The following ANO4 variants were observed in gnomAD, a reference collection of about 807,000 sequenced individuals.
ANO4 encodes the protein anoctamin 4.
Under a neutral mutation model 141.9 loss-of-function variants are expected in ANO4, and 69 were observed. The ratio of observed to expected loss-of-function variants is 0.49; its 90% CI spans 0.40 to 0.59. ANO4 has a LOEUF of 0.59. Among genes scored for constraint, ANO4 ranks in the 20% least tolerant of loss-of-function variants. ANO4 has a pLI of 0.00. For missense variants in ANO4, 894 were observed against 1,162.2 expected (o/e 0.77, Z 3.36); for synonymous variants, 350 against 394.3 (o/e 0.89, Z 1.33).
intron 1 of ANO4, among the ~76,000 whole-genome samples, chr12:100,871,112 A>G (rs1424728948): frequency 6.6e-6 from 1 of 152,158 alleles, no homozygotes; most frequent in Non-Finnish European, 1.5e-5. Flanking sequence ...GTCTGCATTC[A>G]TCACTTTGTG....
At chr12:100,734,565 TTTAC>T (rs1471488144) in intron 2 of ANO4, among the ~76,000 whole-genome samples, 11 of 152,228 alleles carry the variant, frequency 7.2e-5, no homozygotes, top group African/African-American at 2.7e-4. Flanking sequence ...CATACATTAT[TTTAC>T]TTAATCAGAA....
At chr12:100,869,744 G>A (rs972869672) in intron 1 of ANO4, among the ~76,000 whole-genome samples, 2 of 152,182 alleles carry the variant, frequency 1.3e-5, no homozygotes, top group African/African-American at 4.8e-5. Flanking sequence ...TACATTCAGA[G>A]ATTTCAGTTT....
At chr12:100,783,997 A>AT (rs1206234981) in intron 3 of ANO4, among the ~76,000 whole-genome samples, 1 of 164 alleles carries the variant, frequency 6.1e-3, no homozygotes, top group East Asian at 0.1. Flanking sequence ...AACACACTCC[A>AT]TGGCTCCATC....
chr12:100,876,431 G>A (rs532501105), intron 1 of ANO4, among the ~76,000 whole-genome samples: 1 of 152,186 alleles, frequency 6.6e-6, no homozygotes. Flanking sequence ...GTTTCCCCCT[G>A]CAGGGAGCAG....
At chr12:101,020,805 C>T (rs1410650193) in intron 9 of ANO4, among the ~76,000 whole-genome samples, 1 of 152,092 alleles carries the variant, frequency 6.6e-6, no homozygotes, top group Non-Finnish European at 1.5e-5. Flanking sequence ...ACATTTCCTG[C>T]CTTATTAAAC....
At chr12:101,054,634 G>C (rs527460499) in intron 14 of ANO4, among the ~76,000 whole-genome samples, 1 of 152,170 alleles carries the variant, frequency 6.6e-6, no homozygotes, top group Non-Finnish European at 1.5e-5. Flanking sequence ...CGAGTAGCTG[G>C]GATTACAGGC....
At chr12:100,773,738 A>G (rs1269834936) in intron 3 of ANO4, among the ~76,000 whole-genome samples, 1 of 152,252 alleles carries the variant, frequency 6.6e-6, no homozygotes, top group Non-Finnish European at 1.5e-5. Flanking sequence ...GAAATATAAC[A>G]TATATGCAGA....
intron 6 of ANO4, among the ~76,000 whole-genome samples, chr12:100,973,910 T>C (rs1207983601): frequency 6.6e-6 from 1 of 152,210 alleles, no homozygotes; most frequent in Non-Finnish European, 1.5e-5. Flanking sequence ...ATTGTCTCTA[T>C]AGTTTTGCCT....
At chr12:101,070,611 A>T (rs2048772192) in intron 14 of ANO4, among the ~76,000 whole-genome samples, 1 of 152,154 alleles carries the variant, frequency 6.6e-6, no homozygotes, top group Non-Finnish European at 1.5e-5. Flanking sequence ...CTGGGCAGAG[A>T]TTTCTTGATT....
intron 5 of ANO4, among the ~76,000 whole-genome samples, chr12:100,952,230 A>G (rs1363895145): frequency 6.6e-6 from 1 of 152,212 alleles, no homozygotes; most frequent in African/African-American, 2.4e-5. Context: ...TGGGATTTAG[A>G]TCCACTTACT....
chr12:101,098,054 G>A, intron 21 of ANO4, 109 bp downstream of exon 21: 1 of 936,212 alleles, frequency 1.1e-6, no homozygotes, highest in Non-Finnish European at 1.7e-6. Flanking sequence ...GCCAGTGCGT[G>A]CACCTGGAAC....
At chr12:101,125,670 T>C (rs963553307) in intron 26 of ANO4, among the ~76,000 whole-genome samples, 1 of 152,232 alleles carries the variant, frequency 6.6e-6, no homozygotes, top group Non-Finnish European at 1.5e-5. Context: ...GCTTATGTGA[T>C]GAATTACTTA....
intron 14 of ANO4, among the ~76,000 whole-genome samples, chr12:101,070,947 A>G (rs1302986904): frequency 6.6e-6 from 1 of 152,212 alleles, no homozygotes; most frequent in Non-Finnish European, 1.5e-5. Flanking sequence ...TCATAGGAAT[A>G]CAACTCAAAA....
chr12:100,874,387 T>C (rs2039189570), intron 1 of ANO4, among the ~76,000 whole-genome samples: 1 of 152,232 alleles, frequency 6.6e-6, no homozygotes, highest in South Asian at 2.1e-4. Flanking sequence ...GTAGCAGCCA[T>C]GGGAGCTGAT....
intron 1 of ANO4, among the ~76,000 whole-genome samples, chr12:100,900,097 C>CAGAAAGAA (rs3059250): frequency 1.3e-5 from 2 of 151,854 alleles, no homozygotes; most frequent in Non-Finnish European, 2.9e-5. Context: ...AGTTCTCACT[C>CAGAAAGAA]AGAAAGAAAG....
chr12:100,932,826 G>C (rs538667782), intron 3 of ANO4, among the ~76,000 whole-genome samples: 3 of 151,890 alleles, frequency 2.0e-5, no homozygotes, highest in Non-Finnish European at 2.9e-5. Context: ...CTGATTTTTC[G>C]TCTCCCAGGC....
intron 13 of ANO4, among the ~76,000 whole-genome samples, chr12:101,043,902 C>A (rs1445445011): frequency 6.6e-6 from 1 of 152,136 alleles, no homozygotes; most frequent in Non-Finnish European, 1.5e-5. Context: ...AAAGTTAGGT[C>A]CAAATTTTGA....
At chr12:100,819,662 G>A (rs2035928524) in intron 1 of ANO4, among the ~76,000 whole-genome samples, 1 of 151,928 alleles carries the variant, frequency 6.6e-6, no homozygotes, top group African/African-American at 2.4e-5. Context: ...ATGAAATAAA[G>A]TTTGACTTAA....
intron 2 of ANO4, among the ~76,000 whole-genome samples, chr12:100,909,193 A>G (rs542658619): frequency 1.8e-4 from 28 of 152,336 alleles, no homozygotes; most frequent in Admixed American, 1.4e-3. Context: ...ATTAGAATAG[A>G]ATATCTTCTA....
Sources: allele counts gnomAD v4.1 joint callset (sites outside exome capture counted in the v4.1 genomes callset), GRCh38; gene constraint gnomAD v4.1.1; transcripts MANE v1.5; gene names NCBI Gene and HGNC (gene_info 2026-07-23, HGNC 2026-07-21).